Variants in PSMB2 observed in about 807,000 individuals in gnomAD.
PSMB2 encodes proteasome subunit beta type-2.
PSMB2 carries 13 observed loss-of-function variants against 25.7 expected under a neutral mutation model. The ratio of observed to expected loss-of-function variants is 0.51; its 90% confidence interval spans 0.33 to 0.80. PSMB2 has a LOEUF of 0.80. PSMB2 is among the 30% of genes least tolerant of loss of function. The pLI, the probability that PSMB2 is intolerant of heterozygous loss-of-function variation, is 0.02. For missense variants in PSMB2, 202 were observed against 259.0 expected, an observed-to-expected ratio of 0.78 and a Z score of 1.51; for synonymous variants, 87 against 96.2, an observed-to-expected ratio of 0.90 and a Z score of 0.56.
At position 35,599,605 on chromosome 1, in the gene PSMB2, A is replaced by C. The variant is rs1317875611; in HGVS notation, c.*3662T>G. The C allele has an allele frequency of 8.1e-6, 8 of 984,800 alleles. No individual in the cohort carries two copies. The African/African-American group carries it at 8.7e-5, about 11-fold the overall frequency. The allele number at this position is 984,800 out of a possible 1,614,324, so 61.0% of individuals were successfully genotyped here. A position where few individuals can be genotyped will look rare whatever the true frequency, so the allele number is the denominator to read the frequency against. ...AAAGGAAGTGGGGAGTTAGGTTCGG[A>C]GAGGATTATGGAATGCCTAGCATGT... On this transcript the variant is annotated 3_prime_UTR_variant, in exon 6 of 6. Transcript: ENST00000373237.
Position 35,601,946 on chromosome 1 carries a change from G to GC in PSMB2, c.*1320dup. The stretch of plus-strand genomic sequence containing the variant: ...ATACATCAATTTAATGGAAAATTAT[G>GC]CAACTGTCAACAAGAATAAGCATAT... On this transcript the variant is annotated 3_prime_UTR_variant, in exon 6 of 6. Transcript: ENST00000373237. 1 of 968,724 alleles carries GC rather than the reference G, an allele frequency of 1.0e-6. No homozygotes were observed. Among genetic ancestry groups the GC allele is most frequent in the Middle Eastern group, 5.3e-4 (1 of 1,876 alleles). The allele number at this position is 968,724 out of a possible 1,614,324, so 60.0% of individuals were successfully genotyped here.
rs779767450 is a variant in PSMB2, at chr1:35,603,388, T to G, written c.499-14A>C. 4 of 1,613,792 alleles carry G rather than the reference T, an allele frequency of 2.5e-6. No individual in the cohort carries two copies. The highest frequency in any genetic ancestry group is 3.4e-6 in the Non-Finnish European group (4 of 1,179,794). The stretch of plus-strand genomic sequence containing the variant: ...GCGTTTCTGGAGCTGCAGAGAGACA[T>G]GGAGGAAATCAGTCAACAAATGATT... On this transcript the variant is annotated splice_polypyrimidine_tract_variant and intron_variant, in intron 5 of 5. Transcript: ENST00000373237.
intron 3 of PSMB2, among the ~76,000 whole-genome samples, chr1:35,618,167 G>A (rs916313786): frequency 5.9e-5 from 9 of 152,156 alleles, no homozygotes; most frequent in African/African-American, 1.9e-4. Flanking sequence ...GGCGGAGAGA[G>A]AGGTATGAAA....
chr1:35,609,251 G>A lies in PSMB2; in HGVS notation c.443C>T (p.Thr148Ile). ...CCTAGAGTATTAATACTTACTCGGTGTGTAGTATCGGTCGAGGATACTGAG... is the reference window on the plus strand; with the variant it reads ...CCTAGAGTATTAATACTTACTCGGTATGTAGTATCGGTCGAGGATACTGAG... Reference protein sequence around the residue: ...LTLSILDRYYTPTISRERAVE... With the variant: ...LTLSILDRYYIPTISRERAVE... The change falls in exon 4 of 6, where the codon ACA (threonine) becomes ATA (isoleucine). Residue 148 changes from threonine to isoleucine, a missense_variant. By Grantham distance (89) the Thr-to-Ile change is moderately conservative. Transcript: ENST00000373237. The A allele has an allele frequency of 6.2e-7, 1 of 1,601,770 alleles. No homozygotes were observed. The highest frequency in any genetic ancestry group is 8.5e-7 in the Non-Finnish European group (1 of 1,173,626).
intron 5 of PSMB2, 89 bp from the exon 6 acceptor site, chr1:35,603,463 A>C: frequency 2.1e-6 from 3 of 1,458,860 alleles, no homozygotes; most frequent in Non-Finnish European, 2.8e-6. Flanking sequence ...GATACAAGCA[A>C]ACAAAAATCC....
chr1:35,634,761 A>C (rs1651197387), intron 2 of PSMB2, among the ~76,000 whole-genome samples: 1 of 151,422 alleles, frequency 6.6e-6, no homozygotes, highest in Non-Finnish European at 1.5e-5. Context: ...CCCTACCTCC[A>C]AGATGGTGTT....
At chr1:35,622,300 A>G (rs566197241) in intron 3 of PSMB2, among the ~76,000 whole-genome samples, 1 of 152,334 alleles carries the variant, frequency 6.6e-6, no homozygotes, top group African/African-American at 2.4e-5. Context: ...GTGGGAGGGC[A>G]TGCCCACACC....
chr1:35,617,311 G>C (rs888687297), intron 3 of PSMB2, among the ~76,000 whole-genome samples: 3 of 152,166 alleles, frequency 2.0e-5, no homozygotes, highest in African/African-American at 7.2e-5. Flanking sequence ...GCCTCCCAAA[G>C]TGCTGGGATT....
chr1:35,622,736 G>A (rs976239766), intron 3 of PSMB2, among the ~76,000 whole-genome samples: 7 of 150,184 alleles, frequency 4.7e-5, no homozygotes, highest in African/African-American at 1.7e-4. Flanking sequence ...CCTGGAGAGA[G>A]ACAGGGAAGG....
At chr1:35,625,999 G>T (rs1650849686) in intron 3 of PSMB2, among the ~76,000 whole-genome samples, 1 of 151,848 alleles carries the variant, frequency 6.6e-6, no homozygotes, top group Admixed American at 6.6e-5. Flanking sequence ...ACCACATCTG[G>T]CTAATTTTTT....
intron 3 of PSMB2, among the ~76,000 whole-genome samples, chr1:35,626,798 A>G (rs139585979): frequency 6.6e-6 from 1 of 152,342 alleles, no homozygotes; most frequent in East Asian, 1.9e-4. Context: ...GCACTGTCCA[A>G]GAGAACTTCT....
rs1374863181 is a variant in PSMB2 at position 35,600,406 on chromosome 1, A to C, written c.*2861T>G. 2 of 806,334 alleles carry C rather than the reference A, an allele frequency of 2.5e-6. No individual in the cohort carries two copies. The highest frequency in any genetic ancestry group is 3.0e-6 in the Non-Finnish European group (2 of 666,842). 49.9% of individuals were successfully genotyped at this position (806,334 alleles called of 1,614,324 possible). A position where few individuals can be genotyped will look rare whatever the true frequency, so the allele number is the denominator to read the frequency against. On this transcript the variant is annotated 3_prime_UTR_variant, in exon 6 of 6. Transcript: ENST00000373237. Reference sequence around the variant, plus strand: ...TCAGTTTTGACAAACATACTGTGGTATATAGAAGATGTTAACATTACAGAA... The same window carrying C: ...TCAGTTTTGACAAACATACTGTGGTCTATAGAAGATGTTAACATTACAGAA...
At chr1:35,604,652 G>A (rs1381709235) in intron 5 of PSMB2, among the ~76,000 whole-genome samples, 1 of 152,134 alleles carries the variant, frequency 6.6e-6, no homozygotes, top group Non-Finnish European at 1.5e-5. Flanking sequence ...ATGGTGGTGG[G>A]CAACTGTAAT....
At chr1:35,619,250 T>TTAA (rs1402442854) in intron 3 of PSMB2, among the ~76,000 whole-genome samples, 2 of 152,230 alleles carry the variant, frequency 1.3e-5, no homozygotes, top group African/African-American at 4.8e-5. Context: ...GTTCTTGAAC[T>TTAA]TAAGCTCAGG....
In PSMB2 at chr1:35,600,166, T is replaced by C. The variant is rs983824073; in HGVS notation, c.*3101A>G. On this transcript the variant is annotated 3_prime_UTR_variant, in exon 6 of 6. Transcript: ENST00000373237. ...TCTGAAAAACAACAATAAAAAATTA[T>C]AATAAAATTAAAAGATTTAGGATGT... The C allele has an allele frequency of 1.0e-6, 1 of 981,172 alleles. No individual in the cohort carries two copies. The highest frequency in any genetic ancestry group is 1.2e-6 in the Non-Finnish European group (1 of 826,256). The allele number at this position is 981,172 out of a possible 1,614,324, so 60.8% of individuals were successfully genotyped here.
At chr1:35,628,930 T>C (rs1293309233) in intron 3 of PSMB2, among the ~76,000 whole-genome samples, 4 of 151,960 alleles carry the variant, frequency 2.6e-5, no homozygotes, top group Non-Finnish European at 5.9e-5. Flanking sequence ...ACTCAAACCA[T>C]AATAAAAATA....
intron 3 of PSMB2, among the ~76,000 whole-genome samples, chr1:35,622,267 T>A (rs1040451547): frequency 3.9e-5 from 6 of 152,150 alleles, no homozygotes; most frequent in African/African-American, 1.4e-4. Flanking sequence ...CAGGATATTG[T>A]GTGTGTTTGT....
chr1:35,621,174 G>A (rs772515953), intron 3 of PSMB2, among the ~76,000 whole-genome samples: 72 of 152,118 alleles, frequency 4.7e-4, no homozygotes, highest in Middle Eastern at 6.8e-3. Context: ...CAAACACCTT[G>A]GTCTGTGCTT....
intron 3 of PSMB2, among the ~76,000 whole-genome samples, chr1:35,618,950 T>C (rs563173779): frequency 7.9e-5 from 12 of 152,312 alleles, no homozygotes; most frequent in African/African-American, 2.9e-4. Context: ...CATACTATAC[T>C]GGGAAATAAG....
Sources: allele counts gnomAD v4.1 joint callset (sites outside exome capture counted in the v4.1 genomes callset), GRCh38; gene constraint gnomAD v4.1.1; transcripts MANE v1.5; gene names NCBI Gene and HGNC (gene_info 2026-07-23, HGNC 2026-07-21).